Variants in PTPN3 observed in about 807,000 individuals in gnomAD.
The protein encoded by PTPN3 is tyrosine-protein phosphatase non-receptor type 3.
Under a neutral mutation model 132.7 loss-of-function variants are expected in PTPN3, and 96 were observed. The ratio of observed to expected loss-of-function variants is 0.72; its 90% confidence interval spans 0.61 to 0.86. PTPN3 has a LOEUF of 0.86. PTPN3 is among the 40% of genes least tolerant of loss of function. PTPN3 has a pLI of 0.00. For missense variants in PTPN3, 1,125 were observed against 1,159.6 expected (o/e 0.97, Z 0.43); for synonymous variants, 398 against 429.0 (o/e 0.93, Z 0.89).
intron 19 of PTPN3, among the ~76,000 whole-genome samples, chr9:109,398,741 T>C (rs981897706): frequency 6.6e-6 from 1 of 152,184 alleles, no homozygotes; most frequent in East Asian, 1.9e-4. Flanking sequence ...CCTTTGTTGC[T>C]GGGAAGCTGG....
chr9:109,451,014 T>C, intron 5 of PTPN3: 1 of 969,756 alleles, frequency 1.0e-6, no homozygotes, highest in Non-Finnish European at 1.2e-6. Flanking sequence ...AGGTAAAATC[T>C]TTTAAGTTTT....
rs567310441 is a variant in PTPN3 at position 109,412,204 on chromosome 9, C to G, written c.1314-1789G>C. On this transcript the variant is annotated intron_variant, in intron 14 of 25. Coordinates refer to ENST00000374541, the MANE Select transcript of PTPN3 (RefSeq NM_002829.4). ...CCCTCTCTCTCCCTCCCTGCACCCC[C>G]CCAATCCATTTTTTTTTCTTTTGAG... Among the ~76,000 whole-genome samples the G allele has an allele frequency of 1.2e-4, 18 of 152,088 alleles. No homozygotes were observed. In the South Asian group the frequency reaches 1.7e-3, roughly 14 times the overall value.
chr9:109,465,706 C>CAAAAAAAAAAAA (rs34634972), intron 1 of PTPN3, among the ~76,000 whole-genome samples: 2 of 64,830 alleles, frequency 3.1e-5, no homozygotes, highest in African/African-American at 1.3e-4. Context: ...AACTCTGTCT[C>CAAAAAAAAAAAA]AAAAAAAAAA....
the PTPN3 span, among the ~76,000 whole-genome samples, chr9:109,516,325 A>C: frequency 2.0e-5 from 3 of 152,208 alleles, no homozygotes; most frequent in Admixed American, 6.5e-5. Context: ...GGTGAGATAA[A>C]AATTAAAGAA....
At chr9:109,434,738 A>G (rs1210595471) in intron 9 of PTPN3, among the ~76,000 whole-genome samples, 1 of 152,200 alleles carries the variant, frequency 6.6e-6, no homozygotes, top group Non-Finnish European at 1.5e-5. Context: ...TGTACAATAA[A>G]GATGACAGAA....
chr9:109,400,513 C>G (rs559311799), intron 19 of PTPN3, among the ~76,000 whole-genome samples: 159 of 152,200 alleles, frequency 1.0e-3, no homozygotes, highest in African/African-American at 3.6e-3. Context: ...GAGACAGCCT[C>G]TCAGATATTT....
At chr9:109,525,155 G>A in the PTPN3 span, among the ~76,000 whole-genome samples, 1 of 152,038 alleles carries the variant, frequency 6.6e-6, no homozygotes, top group South Asian at 2.1e-4. Flanking sequence ...TGGCTCAAGT[G>A]ATCCTTCTGC....
chr9:109,522,771 G>A, the PTPN3 span, among the ~76,000 whole-genome samples: 5 of 152,190 alleles, frequency 3.3e-5, no homozygotes, highest in African/African-American at 1.2e-4. Context: ...GTTTATTAAA[G>A]TTAAAAGTGG....
the PTPN3 span, among the ~76,000 whole-genome samples, chr9:109,529,895 A>C: frequency 6.6e-6 from 1 of 152,106 alleles, no homozygotes; most frequent in Non-Finnish European, 1.5e-5. Context: ...TATGCTCTGC[A>C]TACCATCTTT....
At position 109,376,173 on chromosome 9, in the gene PTPN3, T is replaced by C. The variant is rs976147789; in HGVS notation, c.*3383A>G. 6.6e-6 allele frequency: 1 copy of C among 152,244 alleles called. No homozygotes were observed. The highest frequency in any genetic ancestry group is 2.4e-5 in the African/African-American group (1 of 41,464). 9.4% of individuals were successfully genotyped at this position (152,244 alleles called of 1,614,324 possible). A position where few individuals can be genotyped will look rare whatever the true frequency, so the allele number is the denominator to read the frequency against. On this transcript the variant is annotated 3_prime_UTR_variant, in exon 26 of 26. Coordinates refer to ENST00000374541, the MANE Select transcript of PTPN3 (RefSeq NM_002829.4). ...CAGAATGGCAAATCTTGACCTCATC[T>C]AGTCCAGCCCAACCTTCCCTTTTTA...
chr9:109,514,916 A>G, the PTPN3 span, among the ~76,000 whole-genome samples: 1 of 152,350 alleles, frequency 6.6e-6, no homozygotes, highest in Middle Eastern at 3.4e-3. Context: ...GAAGAATGAG[A>G]AAAAATGTGA....
rs1428242157 is a variant in PTPN3 at position 109,375,757 on chromosome 9, A to T, written c.*3799T>A. ...ATTGTTTTTCAGTAGAATCACTGACAGAACAGGTCAGAATGAAAAACATTC... is the reference window on the plus strand; with the variant it reads ...ATTGTTTTTCAGTAGAATCACTGACTGAACAGGTCAGAATGAAAAACATTC... On this transcript the variant is annotated 3_prime_UTR_variant, in exon 26 of 26. Transcript: ENST00000374541. 1 of 152,266 alleles carries T rather than the reference A, an allele frequency of 6.6e-6. No individual in the cohort carries two copies. Among genetic ancestry groups the T allele is most frequent in the Non-Finnish European group, 1.5e-5 (1 of 68,050 alleles). 9.4% of individuals were successfully genotyped at this position (152,266 alleles called of 1,614,324 possible).
chr9:109,532,610 T>C, the PTPN3 span, among the ~76,000 whole-genome samples: 1 of 151,112 alleles, frequency 6.6e-6, no homozygotes, highest in East Asian at 1.9e-4. Context: ...TAAACTAAAC[T>C]CATTTGTTAT....
At chr9:109,537,284 T>G in the PTPN3 span, among the ~76,000 whole-genome samples, 6 of 152,206 alleles carry the variant, frequency 3.9e-5, no homozygotes, top group Admixed American at 6.5e-5. Context: ...ACTAGTACCC[T>G]TGGCTAAAAA....
chr9:109,407,355 T>C (rs529765286), intron 17 of PTPN3, among the ~76,000 whole-genome samples: 1 of 152,124 alleles, frequency 6.6e-6, no homozygotes, highest in East Asian at 1.9e-4. Context: ...CCAGCCTGGG[T>C]GACAGAGCAA....
chr9:109,384,282 C>A (rs916715004), intron 22 of PTPN3, among the ~76,000 whole-genome samples: 5 of 152,150 alleles, frequency 3.3e-5, no homozygotes, highest in Admixed American at 1.3e-4. Flanking sequence ...TTAAGGGACT[C>A]ACAAATCGAG....
At chr9:109,496,262 T>G (rs1847664028) in intron 1 of PTPN3, among the ~76,000 whole-genome samples, 1 of 152,250 alleles carries the variant, frequency 6.6e-6, no homozygotes, top group Admixed American at 6.5e-5. Context: ...TTAACTAGAA[T>G]GGCCTACTCT....
chr9:109,508,183 T>TGTC, the PTPN3 span, among the ~76,000 whole-genome samples: 1 of 149,036 alleles, frequency 6.7e-6, no homozygotes. Context: ...TTTTTTGAGA[T>TGTC]GGCGTTTCGC....
At chr9:109,529,681 C>T in the PTPN3 span, among the ~76,000 whole-genome samples, 1 of 152,194 alleles carries the variant, frequency 6.6e-6, no homozygotes, top group African/African-American at 2.4e-5. Flanking sequence ...AAGTTTACCA[C>T]CTTAAGCATT....
Sources: gnomAD v4.1 joint callset for allele counts (sites outside exome capture counted in the v4.1 genomes callset) on GRCh38, gnomAD v4.1.1 for gene constraint, MANE v1.5 for transcripts, NCBI Gene and HGNC (gene_info 2026-07-23, HGNC 2026-07-21) for gene names.